WWOX: variants seen among roughly 807,000 people sequenced by gnomAD.
WWOX encodes the protein WW domain-containing oxidoreductase.
Under a neutral mutation model 46.2 loss-of-function variants are expected in WWOX, and 69 were observed. The observed-to-expected ratio is 1.49, with a 90% CI of 1.23 to 1.82. WWOX has a LOEUF of 1.82. Among genes scored for constraint, WWOX ranks in the 40% most tolerant of loss-of-function variants. The pLI is 0.00. For synonymous variants in WWOX, 359 were observed against 202.6 expected (o/e 1.77, Z -6.56); for missense variants, 919 against 542.6 (o/e 1.69, Z -6.89).
At chr16:78,409,143 C>T (rs28590161) in intron 6 of WWOX, among the ~76,000 whole-genome samples, 38,970 of 152,020 alleles carry the variant, frequency 0.26, 9,609 homozygotes, top group African/African-American at 0.64. Context: ...CAGTGGCTCA[C>T]TCCAGGTAGG....
chr16:78,977,916 T>A (rs539709643), intron 8 of WWOX, among the ~76,000 whole-genome samples: 1 of 152,234 alleles, frequency 6.6e-6, no homozygotes, highest in Non-Finnish European at 1.5e-5. Context: ...TAATATAAGA[T>A]TAACCATTTC....
At chr16:78,437,541 GC>G (rs2083360533) in intron 8 of WWOX, among the ~76,000 whole-genome samples, 1 of 152,058 alleles carries the variant, frequency 6.6e-6, no homozygotes, top group Non-Finnish European at 1.5e-5. Context: ...CAGCACAGCG[GC>G]CCCTACTGGT....
intron 8 of WWOX, among the ~76,000 whole-genome samples, chr16:79,209,013 G>T (rs1334030863): frequency 1.3e-5 from 2 of 152,212 alleles, no homozygotes; most frequent in African/African-American, 4.8e-5. Flanking sequence ...AGAGAAGGTC[G>T]TCTTTGCTTT....
rs73567346 is a variant in WWOX, at chr16:78,994,703, A to G, written c.1057-216905A>G. The stretch of plus-strand genomic sequence containing the variant: ...TAATAGACAGTGGGGGGTGGAATCA[A>G]AAGGGGGAAAAAACTCATTTCATCT... On this transcript the variant is annotated intron_variant, in intron 8 of 8. Coordinates refer to ENST00000566780, the MANE Select transcript of WWOX (RefSeq NM_016373.4). Among the ~76,000 whole-genome samples the G allele has an allele frequency of 3.0e-3, 459 of 152,152 alleles. 4 individuals carry two copies. Among genetic ancestry groups the G allele is most frequent in the African/African-American group, 0.01 (431 of 41,470 alleles).
At position 79,177,561 on chromosome 16, in the gene WWOX, C is replaced by T. The variant is rs562219225; in HGVS notation, c.1057-34047C>T. Among the ~76,000 whole-genome samples, 260 of 152,248 alleles carry T rather than the reference C, an allele frequency of 1.7e-3. 1 individual carries two copies. In the Middle Eastern group the frequency reaches 0.021, roughly 12 times the overall value. ...ATTCTCTTGTCTCTAATCAATTCAC[C>T]GGCTCTTTTATTTGAAAATGGGTGA... is the stretch of plus-strand genomic sequence containing the variant. On this transcript the variant is annotated intron_variant, in intron 8 of 8. Transcript: ENST00000566780.
At chr16:78,510,720 C>T (rs1049175291) in intron 8 of WWOX, among the ~76,000 whole-genome samples, 3 of 152,068 alleles carry the variant, frequency 2.0e-5, no homozygotes, top group Non-Finnish European at 4.4e-5. Context: ...ACAGATCCTT[C>T]GTATCAGTAA....
chr16:78,825,071 C>G (rs1460543915), intron 8 of WWOX, among the ~76,000 whole-genome samples: 1 of 152,118 alleles, frequency 6.6e-6, no homozygotes. Flanking sequence ...TGGTAATACT[C>G]ATGAACAACT....
rs930905456 is a variant in WWOX at position 79,211,622 on chromosome 16, C to T, written c.1071C>T (p.Ala357=). 1 of 1,614,022 alleles carries T rather than the reference C, an allele frequency of 6.2e-7. No individual in the cohort carries two copies. The highest frequency in any genetic ancestry group is 1.3e-5 in the African/African-American group (1 of 74,902). Reference sequence around the variant, plus strand: ...TGGATTTCCAGCAACAGGGAGCTGCCACCACCGTGTACTGTGCTGCTGTCC... The same window carrying T: ...TGGATTTCCAGCAACAGGGAGCTGCTACCACCGTGTACTGTGCTGCTGTCC... ...PFTKSMQQGA[A]TTVYCAAVPE... is the part of the protein sequence containing the mutation. Residue 357 remains alanine, a synonymous_variant, in exon 9 of 9, where the codon GCC becomes GCT. Transcript: ENST00000566780.
At chr16:78,669,813 A>T (rs1242087710) in intron 8 of WWOX, among the ~76,000 whole-genome samples, 2 of 152,210 alleles carry the variant, frequency 1.3e-5, no homozygotes, top group Non-Finnish European at 2.9e-5. Context: ...GACTCAGAAG[A>T]CTTCATTATT....
intron 5 of WWOX, chr16:78,278,642 A>T: frequency 6.2e-7 from 1 of 1,610,990 alleles, no homozygotes. Context: ...GTGCAGAATA[A>T]AAATTTTCCA....
At chr16:78,319,867 C>T (rs144543351) in intron 5 of WWOX, among the ~76,000 whole-genome samples, 9 of 152,264 alleles carry the variant, frequency 5.9e-5, no homozygotes, top group Non-Finnish European at 1.0e-4. Flanking sequence ...TCACCTCACG[C>T]GTCTTTTCTG....
chr16:79,069,085 C>A (rs902525833), intron 8 of WWOX, among the ~76,000 whole-genome samples: 1 of 152,056 alleles, frequency 6.6e-6, no homozygotes, highest in Non-Finnish European at 1.5e-5. Context: ...GATGAACTAC[C>A]TGGAAAGAAA....
chr16:79,097,806 T>A (rs895681198), intron 8 of WWOX, among the ~76,000 whole-genome samples: 9 of 152,160 alleles, frequency 5.9e-5, no homozygotes, highest in Admixed American at 2.6e-4. Flanking sequence ...CTGAGGAGAT[T>A]CAAGCCTTTT....
At chr16:79,031,754 C>CTA (rs199968979) in intron 8 of WWOX, among the ~76,000 whole-genome samples, 2,500 of 140,430 alleles carry the variant, frequency 0.018, 76 homozygotes, top group African/African-American at 0.061. Flanking sequence ...CTCTTTCTTT[C>CTA]TATATATATA....
chr16:78,553,629 G>T (rs914936183), intron 8 of WWOX, among the ~76,000 whole-genome samples: 14 of 152,098 alleles, frequency 9.2e-5, no homozygotes, highest in African/African-American at 3.1e-4. Context: ...GCAGTATGGC[G>T]CCCTAATAGA....
chr16:78,128,500 G>C (rs1295569202), intron 4 of WWOX, among the ~76,000 whole-genome samples: 1 of 152,152 alleles, frequency 6.6e-6, no homozygotes, highest in Admixed American at 6.6e-5. Context: ...ATTTCTTCCT[G>C]CTTGCCTTAA....
Position 78,638,514 on chromosome 16 carries a change from C to G in WWOX, c.1056+205762C>G, listed in dbSNP as rs764660042. On this transcript the variant is annotated intron_variant, in intron 8 of 8. Coordinates refer to ENST00000566780, the MANE Select transcript of WWOX (RefSeq NM_016373.4). ...GGCTCTGATAAGATCTGTCTGCACTCCTTTTGTCTGGCCTGTACCTGCCTT... is the reference window on the plus strand; with the variant it reads ...GGCTCTGATAAGATCTGTCTGCACTGCTTTTGTCTGGCCTGTACCTGCCTT... Among the ~76,000 whole-genome samples, 26 of 152,270 alleles carry G rather than the reference C, an allele frequency of 1.7e-4. No homozygotes were observed. The East Asian group carries it at 2.7e-3, about 16-fold the overall frequency.
chr16:78,226,812 G>A (rs191944942), intron 5 of WWOX, among the ~76,000 whole-genome samples: 3 of 152,178 alleles, frequency 2.0e-5, no homozygotes, highest in African/African-American at 7.2e-5. Context: ...GTTTCCCCCA[G>A]CCTTCCCTAC....
At chr16:78,924,123 A>C (rs2045444354) in intron 8 of WWOX, among the ~76,000 whole-genome samples, 1 of 152,004 alleles carries the variant, frequency 6.6e-6, no homozygotes, top group African/African-American at 2.4e-5. Flanking sequence ...GGCTGCTAGG[A>C]ACTATTAATC....
Sources: allele counts gnomAD v4.1 joint callset (sites outside exome capture counted in the v4.1 genomes callset), GRCh38; gene constraint gnomAD v4.1.1; transcripts MANE v1.5; gene names NCBI Gene and HGNC (gene_info 2026-07-23, HGNC 2026-07-21).